Variants in GNE observed in about 807,000 individuals in gnomAD.
GNE encodes the protein bifunctional UDP-N-acetylglucosamine 2-epimerase/N-acetylmannosamine kinase.
In GNE, 41 loss-of-function variants were observed where a neutral mutation model predicts 61.8. The ratio of observed to expected loss-of-function variants is 0.66; its 90% confidence interval spans 0.52 to 0.86. The LOEUF (loss-of-function observed/expected upper bound fraction) is 0.86. Among genes scored for constraint, GNE ranks in the 40% least tolerant of loss-of-function variants. GNE has a pLI of 0.00. For synonymous variants in GNE, 264 were observed against 326.4 expected (o/e 0.81, Z 2.06); for missense variants, 608 against 909.1 (o/e 0.67, Z 4.26).
In GNE at chr9:36,215,791, AATC is replaced by A. The variant is rs1587265355; in HGVS notation, c.*1571_*1573del. ...GTATTTTGACACCAATGAAAACACG[AATC>A]ATGTAGACAGAATCCTGATTCATGG... On this transcript the variant is annotated 3_prime_UTR_variant, in exon 12 of 12. Transcript: ENST00000642385. The A allele has an allele frequency of 6.6e-6, 1 of 152,420 alleles. No individual in the cohort carries two copies. The highest frequency in any genetic ancestry group is 2.4e-5 in the African/African-American group (1 of 41,464). 9.4% of individuals were successfully genotyped at this position (152,420 alleles called of 1,614,324 possible). A position where few individuals can be genotyped will look rare whatever the true frequency, so the allele number is the denominator to read the frequency against.
At chr9:36,259,208 C>T (rs1316442618), upstream of GNE, among the ~76,000 whole-genome samples, 1 of 152,174 alleles carries the variant, frequency 6.6e-6, no homozygotes, top group Non-Finnish European at 1.5e-5. Flanking sequence ...GACCATGCCA[C>T]CGAATCAGGC....
intron 4 of GNE, among the ~76,000 whole-genome samples, chr9:36,235,039 T>C (rs1178209652): frequency 6.6e-6 from 1 of 152,148 alleles, no homozygotes; most frequent in African/African-American, 2.4e-5. Context: ...GTTTCAAGTT[T>C]TTTTGGATTT....
At chr9:36,257,493 A>C (rs1269873302) in intron 1 of GNE, among the ~76,000 whole-genome samples, 1 of 151,634 alleles carries the variant, frequency 6.6e-6, no homozygotes, top group Admixed American at 6.6e-5. Flanking sequence ...GTGTTCTAAC[A>C]ATTTTACAAG....
At chr9:36,246,610 T>TA (rs1191870466) in intron 2 of GNE, 128 bp from the exon 3 acceptor site, 1 of 635,376 alleles carries the variant, frequency 1.6e-6, no homozygotes, top group Admixed American at 2.7e-5. Flanking sequence ...AAGTATAACT[T>TA]ACAAACATAA....
At chr9:36,270,806 C>T (rs1831001353) in intron 1 of GNE, among the ~76,000 whole-genome samples, 1 of 152,246 alleles carries the variant, frequency 6.6e-6, no homozygotes, top group African/African-American at 2.4e-5. Flanking sequence ...CGTGAGCCAC[C>T]ACGCCCGGCC....
At chr9:36,250,800 C>G (rs1418714133) in intron 1 of GNE, among the ~76,000 whole-genome samples, 1 of 152,202 alleles carries the variant, frequency 6.6e-6, no homozygotes, top group African/African-American at 2.4e-5. Context: ...CCTGCCTCAG[C>G]CTCCCGAGTA....
chr9:36,246,052 T>C lies in GNE; in HGVS notation c.595A>G (p.Ser199Gly). The C allele has an allele frequency of 6.2e-7, 1 of 1,613,884 alleles. No homozygotes were observed. Among genetic ancestry groups the C allele is most frequent in the South Asian group, 1.1e-5 (1 of 91,090 alleles). Residue 199 changes from serine to glycine, a missense_variant, in exon 3 of 12, where the codon AGC becomes GGC. Coordinates refer to ENST00000642385, the MANE Select transcript of GNE (RefSeq NM_005476.7). Reference sequence around the variant, plus strand: ...GTACCTAGCCACATGCGAATGATGCTCATGTAGTCTTTGTTCTTGGCTGAG... The same window carrying C: ...GTACCTAGCCACATGCGAATGATGCCCATGTAGTCTTTGTTCTTGGCTGAG... ...LLSAKNKDYMSIIRMWLGDDV... is the reference protein window; with the variant it reads ...LLSAKNKDYMGIIRMWLGDDV...
chr9:36,217,109 A>T lies in GNE; in HGVS notation c.*256T>A, dbSNP rs1250901270. On this transcript the variant is annotated 3_prime_UTR_variant, in exon 12 of 12. Coordinates refer to ENST00000642385, the MANE Select transcript of GNE (RefSeq NM_005476.7). ...ATTATTGTAGCTGCTTTGGCACAGA[A>T]AATTGTGACTGTAACTTACAGGGTT... 1 of 519,232 alleles carries T rather than the reference A, an allele frequency of 1.9e-6. No individual in the cohort carries two copies. Among genetic ancestry groups the T allele is most frequent in the African/African-American group, 1.9e-5 (1 of 52,180 alleles). The allele number at this position is 519,232 out of a possible 1,614,324, so 32.2% of individuals were successfully genotyped here.
chr9:36,234,093 A>G lies in GNE; in HGVS notation c.809T>C (p.Ile270Thr). The change falls in exon 5 of 12, where the codon ATT becomes ACT. Residue 270 changes from isoleucine to threonine, a missense_variant. By Grantham distance (89) the Ile-to-Thr change is moderately conservative. Coordinates refer to ENST00000642385, the MANE Select transcript of GNE (RefSeq NM_005476.7). ...TGCACGAAAGTTGGGATGATGCTCA[A>G]TGCCCTTCTTCCGCATCACTCGAAC... ...EMVRVMRKKG[I>T]EHHPNFRAVK... 6.2e-7 allele frequency: 1 copy of G among 1,614,076 alleles called. No individual in the cohort carries two copies. Among genetic ancestry groups the G allele is most frequent in the Non-Finnish European group, 8.5e-7 (1 of 1,179,910 alleles).
At chr9:36,274,975 C>T (rs1380060780) in intron 1 of GNE, among the ~76,000 whole-genome samples, 1 of 152,204 alleles carries the variant, frequency 6.6e-6, no homozygotes, top group Non-Finnish European at 1.5e-5. Flanking sequence ...CCGCCGGACT[C>T]GGCCTCCCAA....
intron 5 of GNE, 44 bp from the exon 6 acceptor site, chr9:36,229,152 A>C: frequency 9.7e-7 from 1 of 1,032,586 alleles, no homozygotes; most frequent in Non-Finnish European, 1.5e-6. Flanking sequence ...GGAAGTGGGA[A>C]TATCCAAAGA....
Position 36,258,409 on chromosome 9 carries a change from G to C in GNE, c.-131C>G, listed in dbSNP as rs1587367089. The C allele has an allele frequency of 1.0e-6, 1 of 985,460 alleles. No individual in the cohort carries two copies. 61.0% of individuals were successfully genotyped at this position (985,460 alleles called of 1,614,324 possible). A position where few individuals can be genotyped will look rare whatever the true frequency, so the allele number is the denominator to read the frequency against. On this transcript the variant is annotated 5_prime_UTR_variant, in exon 1 of 12. Coordinates refer to ENST00000642385, the MANE Select transcript of GNE (RefSeq NM_005476.7). ...GCGCCACGAAGCAGGCAGAGCGCGA[G>C]CCTGCCCCTCGGTTTCCGCGCTCGG... is the stretch of plus-strand genomic sequence containing the variant.
Position 36,217,476 on chromosome 9 carries a change from C to G in GNE, c.2058G>C (p.Gln686His). The change falls in exon 12 of 12, where the codon CAG becomes CAC. Residue 686 changes from glutamine (Q) to histidine (H), a missense_variant. Transcript: ENST00000642385. ...IHIVKDVIRQQALSSVQDVDV... is the reference protein window; with the variant it reads ...IHIVKDVIRQHALSSVQDVDV... The stretch of plus-strand genomic sequence containing the variant: ...CCACGTCCTGCACGGAGGACAAGGC[C>G]TGCTGGCGAATGACGTCTTTGACAA... The G allele has an allele frequency of 6.2e-7, 1 of 1,614,148 alleles. No individual in the cohort carries two copies. Among genetic ancestry groups the G allele is most frequent in the Non-Finnish European group, 8.5e-7 (1 of 1,179,996 alleles).
rs1446086298 is a variant in GNE at position 36,246,751 on chromosome 9, T to C, written c.165-269A>G. ...TAGCGCGATCTAGGCTCACTGCAAC[T>C]TCTGCCTCCCGGGTTCAAGCGATTC... On this transcript the variant is annotated intron_variant, in intron 2 of 11. Coordinates refer to ENST00000642385, the MANE Select transcript of GNE (RefSeq NM_005476.7). Among the ~76,000 whole-genome samples, 6 of 145,260 alleles carry C rather than the reference T, an allele frequency of 4.1e-5. No individual in the cohort carries two copies. The South Asian group carries it at 1.4e-3, about 34-fold the overall frequency.
At position 36,246,166 on chromosome 9, in the gene GNE, T is replaced by G. The variant is rs1292723201; in HGVS notation, c.481A>C (p.Thr161Pro). ...ATCAGGTGCTGCTCTGCACTGCGGGTGCAGCACACATGATAATGAGCCAGT... is the reference window on the plus strand; with the variant it reads ...ATCAGGTGCTGCTCTGCACTGCGGGGGCAGCACACATGATAATGAGCCAGT... Reference protein sequence around the residue: ...TKLAHYHVCCTRSAEQHLISM... With the variant: ...TKLAHYHVCCPRSAEQHLISM... Residue 161 changes from threonine (T) to proline (P), a missense_variant, in exon 3 of 12, where the codon ACC (threonine) becomes CCC (proline). By Grantham distance (38) the Thr-to-Pro change is conservative (BLOSUM62 -1). Transcript: ENST00000642385. 6.2e-7 allele frequency: 1 copy of G among 1,613,920 alleles called. No homozygotes were observed. Among genetic ancestry groups the G allele is most frequent in the Admixed American group, 1.7e-5 (1 of 60,016 alleles).
At chr9:36,244,745 G>A (rs1829793566) in intron 3 of GNE, among the ~76,000 whole-genome samples, 2 of 150,954 alleles carry the variant, frequency 1.3e-5, no homozygotes, top group South Asian at 4.2e-4. Flanking sequence ...AGACCAGCCT[G>A]ACCAACATAG....
chr9:36,222,404 G>C (rs1828635269), intron 9 of GNE, among the ~76,000 whole-genome samples: 1 of 138,982 alleles, frequency 7.2e-6, no homozygotes, highest in African/African-American at 2.7e-5. Flanking sequence ...GGGCGACAGA[G>C]CGAGACTCCG....
rs1251077308 is a variant in GNE at position 36,216,983 on chromosome 9, T to C, written c.*382A>G. 1 of 315,478 alleles carries C rather than the reference T, an allele frequency of 3.2e-6. No individual in the cohort carries two copies. The highest frequency in any genetic ancestry group is 2.2e-5 in the African/African-American group (1 of 46,250). The allele number at this position is 315,478 out of a possible 1,614,324, so 19.5% of individuals were successfully genotyped here. A position where few individuals can be genotyped will look rare whatever the true frequency, so the allele number is the denominator to read the frequency against. ...CACTGTGCCCGGCCTGGAAGGATTATTAATGCAAACTTCAGGATGAAGTGA... is the reference window on the plus strand; with the variant it reads ...CACTGTGCCCGGCCTGGAAGGATTACTAATGCAAACTTCAGGATGAAGTGA... On this transcript the variant is annotated 3_prime_UTR_variant, in exon 12 of 12. Coordinates refer to ENST00000642385, the MANE Select transcript of GNE (RefSeq NM_005476.7).
intron 1 of GNE, among the ~76,000 whole-genome samples, chr9:36,271,757 G>T (rs1354003047): frequency 6.6e-6 from 1 of 152,112 alleles, no homozygotes; most frequent in African/African-American, 2.4e-5. Flanking sequence ...TTAGACATCT[G>T]ATGTATTATA....
Sources: allele counts gnomAD v4.1 joint callset (sites outside exome capture counted in the v4.1 genomes callset), GRCh38; gene constraint gnomAD v4.1.1; transcripts MANE v1.5; gene names NCBI Gene and HGNC (gene_info 2026-07-23, HGNC 2026-07-21).